GTF2A1L: variants seen among roughly 807,000 people sequenced by gnomAD.
GTF2A1L encodes TFIIA-alpha and beta-like factor.
In GTF2A1L, 48 loss-of-function variants were observed where a neutral mutation model predicts 49.7. The observed-to-expected ratio is 0.97, with a 90% CI of 0.77 to 1.23. GTF2A1L has a LOEUF of 1.23. GTF2A1L is among the 50% of genes most tolerant of loss of function. GTF2A1L has a pLI of 0.00. For missense variants in GTF2A1L, 736 were observed against 564.8 expected, an observed-to-expected ratio of 1.30 and a Z score of -3.07; for synonymous variants, 246 against 193.5, an observed-to-expected ratio of 1.27 and a Z score of -2.25.
chr2:48,665,190 G>T (rs1021301103), intron 6 of GTF2A1L, among the ~76,000 whole-genome samples: 2 of 152,010 alleles, frequency 1.3e-5, no homozygotes, highest in African/African-American at 2.4e-5. Context: ...CTAAAGTGCT[G>T]GGATTACGGG....
chr2:48,645,696 T>G (rs1677455949), intron 5 of GTF2A1L, among the ~76,000 whole-genome samples: 2 of 152,196 alleles, frequency 1.3e-5, no homozygotes. Context: ...TCGCCCACGC[T>G]GTAGTGCAGT....
chr2:48,673,771 GA>G (rs1679301671), intron 8 of GTF2A1L, among the ~76,000 whole-genome samples: 1 of 152,140 alleles, frequency 6.6e-6, no homozygotes, highest in South Asian at 2.1e-4. Context: ...TAAACTGGAG[GA>G]AACGTAGTAA....
At chr2:48,665,136 G>C (rs1353770835) in intron 6 of GTF2A1L, among the ~76,000 whole-genome samples, 1 of 152,032 alleles carries the variant, frequency 6.6e-6, no homozygotes, top group East Asian at 1.9e-4. Flanking sequence ...TAGTCAGGCT[G>C]GTCTCCAACT....
At chr2:48,669,407 T>A in intron 6 of GTF2A1L, among the ~76,000 whole-genome samples, 1 of 152,220 alleles carries the variant, frequency 6.6e-6, no homozygotes. Context: ...ATGAAATAGT[T>A]AAATCCTAAT....
chr2:48,664,311 T>G (rs1002938102), intron 6 of GTF2A1L, among the ~76,000 whole-genome samples: 2 of 151,874 alleles, frequency 1.3e-5, no homozygotes, highest in Admixed American at 6.5e-5. Context: ...TTTTCTTTAA[T>G]GTAGTTTTTT....
intron 3 of GTF2A1L, among the ~76,000 whole-genome samples, chr2:48,640,703 A>T (rs35139260): frequency 0.14 from 20,813 of 152,156 alleles, 1,647 homozygotes; most frequent in African/African-American, 0.22. Context: ...AAAGTTAAAA[A>T]ATTTAGTATT....
At chr2:48,645,664 T>C (rs937650198) in intron 5 of GTF2A1L, among the ~76,000 whole-genome samples, 2 of 152,212 alleles carry the variant, frequency 1.3e-5, no homozygotes, top group Non-Finnish European at 2.9e-5. Context: ...AGTCCTTTTT[T>C]TTGAGATGGA....
At chr2:48,644,100 A>G (rs1677363138) in intron 4 of GTF2A1L, among the ~76,000 whole-genome samples, 1 of 152,174 alleles carries the variant, frequency 6.6e-6, no homozygotes, top group Non-Finnish European at 1.5e-5. Flanking sequence ...GAGCCTCGTA[A>G]TTGGAGATTA....
chr2:48,671,357 C>G (rs537942410), intron 7 of GTF2A1L, among the ~76,000 whole-genome samples: 119 of 151,960 alleles, frequency 7.8e-4, no homozygotes, highest in Admixed American at 1.4e-3. Context: ...TGTGTGCCAC[C>G]ATGCCAAGTT....
intron 6 of GTF2A1L, among the ~76,000 whole-genome samples, chr2:48,658,745 C>T (rs897166386): frequency 6.6e-6 from 1 of 152,040 alleles, no homozygotes; most frequent in African/African-American, 2.4e-5. Flanking sequence ...GGAATTTATT[C>T]ATTTCCTCTA....
intron 6 of GTF2A1L, among the ~76,000 whole-genome samples, chr2:48,661,833 C>G (rs1177105135): frequency 6.6e-6 from 1 of 152,028 alleles, no homozygotes; most frequent in South Asian, 2.1e-4. Flanking sequence ...ATAGTTGGAT[C>G]TTGTTTTTTA....
At chr2:48,676,848 C>G (rs1679493340) in intron 8 of GTF2A1L, among the ~76,000 whole-genome samples, 1 of 150,838 alleles carries the variant, frequency 6.6e-6, no homozygotes, top group South Asian at 2.1e-4. Flanking sequence ...ATATCTATAT[C>G]TATATCTATA....
chr2:48,635,991 C>T (rs1014546186), intron 3 of GTF2A1L, among the ~76,000 whole-genome samples: 5 of 152,184 alleles, frequency 3.3e-5, no homozygotes, highest in African/African-American at 1.2e-4. Flanking sequence ...CTGTCTTTCT[C>T]TCTCATGTAC....
intron 6 of GTF2A1L, among the ~76,000 whole-genome samples, chr2:48,664,779 G>A (rs546432624): frequency 2.9e-4 from 44 of 152,176 alleles, no homozygotes; most frequent in Admixed American, 5.2e-4. Context: ...AAAATTTATT[G>A]AAAGTTGATA....
chr2:48,677,978 GGTGTGTGTGTGT>G (rs5830998), intron 8 of GTF2A1L, among the ~76,000 whole-genome samples: 4 of 148,032 alleles, frequency 2.7e-5, no homozygotes, highest in South Asian at 2.2e-4. Context: ...CTCTGAGATG[GGTGTGTGTGTGT>G]GTGTGTGTGT....
chr2:48,652,897 T>C (rs1271838230), intron 6 of GTF2A1L, among the ~76,000 whole-genome samples: 1 of 151,274 alleles, frequency 6.6e-6, no homozygotes, highest in South Asian at 2.1e-4. Context: ...GGTTTCACCG[T>C]GTTGGCCAGG....
intron 1 of GTF2A1L, among the ~76,000 whole-genome samples, chr2:48,619,959 G>A (rs1044011618): frequency 6.6e-5 from 10 of 152,134 alleles, no homozygotes; most frequent in Non-Finnish European, 1.0e-4. Context: ...TAGGAAATCC[G>A]TTTTGGAACA....
At chr2:48,651,115 A>T (rs74920693) in intron 6 of GTF2A1L, among the ~76,000 whole-genome samples, 1 of 152,216 alleles carries the variant, frequency 6.6e-6, no homozygotes, top group East Asian at 1.9e-4. Context: ...TTACTTGCTT[A>T]TTGTACTACC....
chr2:48,645,084 G>A lies in GTF2A1L; in HGVS notation c.355G>A (p.Val119Ile). ...TACTTTTCCTGGTTATCCCATTCAT[G>A]TACCAGCAGGTGTGACACTACAGAC... The part of the protein sequence containing the change: ...NFTFPGYPIH[V>I]PAGVTLQTVS... The change falls in exon 5 of 9, where the codon GTA becomes ATA. Residue 119 changes from valine (V) to isoleucine (I), a missense_variant. Physicochemically the swap from Val to Ile is conservative, Grantham distance 29 (BLOSUM62 3). Coordinates refer to ENST00000403751, the MANE Select transcript of GTF2A1L (RefSeq NM_006872.5). 1 of 1,612,702 alleles carries A rather than the reference G, an allele frequency of 6.2e-7. No individual in the cohort carries two copies. The highest frequency in any genetic ancestry group is 8.5e-7 in the Non-Finnish European group (1 of 1,179,490).
Sources: gnomAD v4.1 joint callset for allele counts (sites outside exome capture counted in the v4.1 genomes callset) on GRCh38, gnomAD v4.1.1 for gene constraint, MANE v1.5 for transcripts, NCBI Gene and HGNC (gene_info 2026-07-23, HGNC 2026-07-21) for gene names.